PDPR: variants seen among roughly 807,000 people sequenced by gnomAD.
The protein encoded by PDPR is pyruvate dehydrogenase phosphatase regulatory subunit, mitochondrial.
Under a neutral mutation model 102.2 loss-of-function variants are expected in PDPR, and 50 were observed. The ratio of observed to expected loss-of-function variants is 0.49; its 90% CI spans 0.39 to 0.62. The LOEUF (loss-of-function observed/expected upper bound fraction) is 0.62. Ranked by LOEUF, PDPR falls within the 20% of genes least tolerant of loss-of-function variation. The pLI, the probability that PDPR is intolerant of heterozygous loss-of-function variation, is 0.00. For missense variants in PDPR, 625 were observed against 1,098.2 expected (o/e 0.57, Z 6.09); for synonymous variants, 259 against 406.0 (o/e 0.64, Z 4.35).
At chr16:70,155,553 G>A (rs879715194) in intron 18 of PDPR, among the ~76,000 whole-genome samples, 1 of 152,232 alleles carries the variant, frequency 6.6e-6, no homozygotes, top group Admixed American at 6.5e-5. Flanking sequence ...AGGCATTTTT[G>A]TATTTTTTCT....
rs1567565334 is a variant in PDPR at position 70,156,457 on chromosome 16, GT to G, written c.2236-15del. ...TCTGAGTGTCGCTGGATGACTCGGCGTTTCCTTTCTTTCTTAGGGCATGGAT... is the reference window on the plus strand; with the variant it reads ...TCTGAGTGTCGCTGGATGACTCGGCGTTCCTTTCTTTCTTAGGGCATGGAT... On this transcript the variant is annotated splice_polypyrimidine_tract_variant and intron_variant, in intron 18 of 18. Coordinates refer to ENST00000288050, the MANE Select transcript of PDPR (RefSeq NM_017990.5). The G allele has an allele frequency of 6.2e-7, 1 of 1,611,602 alleles. No homozygotes were observed.
chr16:70,137,950 C>T (rs1965319032), intron 10 of PDPR, among the ~76,000 whole-genome samples: 1 of 152,246 alleles, frequency 6.6e-6, no homozygotes. Context: ...CTCACTGCAG[C>T]CGCAAGTTCC....
Position 70,159,855 on chromosome 16 carries a change from A to G in PDPR, c.*2976A>G, listed in dbSNP as rs1016635830. ...AGGGACAACCACAGCCTCCTCATCCATGTGTCATTTCCAAGGGTTTGCCTT... is the reference window on the plus strand; with the variant it reads ...AGGGACAACCACAGCCTCCTCATCCGTGTGTCATTTCCAAGGGTTTGCCTT... On this transcript the variant is annotated 3_prime_UTR_variant, in exon 19 of 19. Transcript: ENST00000288050. 1.3e-5 allele frequency: 2 copies of G among 153,128 alleles called. No homozygotes were observed. Among genetic ancestry groups the G allele is most frequent in the African/African-American group, 2.4e-5 (1 of 41,500 alleles). The allele number at this position is 153,128 out of a possible 1,614,324, so 9.5% of individuals were successfully genotyped here. A position where few individuals can be genotyped will look rare whatever the true frequency, so the allele number is the denominator to read the frequency against.
At chr16:70,151,972 G>A (rs866118793) in intron 17 of PDPR, among the ~76,000 whole-genome samples, 12 of 152,270 alleles carry the variant, frequency 7.9e-5, no homozygotes, top group South Asian at 2.1e-4. Flanking sequence ...CATTAGTCAC[G>A]TAGTTGGATC....
At chr16:70,130,753 T>C (rs1388528573) in intron 7 of PDPR, among the ~76,000 whole-genome samples, 2 of 152,296 alleles carry the variant, frequency 1.3e-5, no homozygotes, top group Non-Finnish European at 2.9e-5. Flanking sequence ...GGTTGATGGG[T>C]GCTATCCTGG....
chr16:70,146,053 G>A (rs1222569191), intron 15 of PDPR, 81 bp from the exon 16 acceptor site: 1 of 1,575,498 alleles, frequency 6.3e-7, no homozygotes, highest in African/African-American at 1.4e-5. Flanking sequence ...GGCTATAGCT[G>A]AGCAAGTCTA....
chr16:70,145,672 C>T (rs1966182512), intron 15 of PDPR: 1 of 461,826 alleles, frequency 2.2e-6, no homozygotes, highest in African/African-American at 2.0e-5. Flanking sequence ...TCTAGCCTGT[C>T]TTAGGATGGA....
intron 3 of PDPR, among the ~76,000 whole-genome samples, chr16:70,122,868 C>CACACACACACACACACA (rs1555520799): frequency 1.3e-5 from 2 of 149,710 alleles, no homozygotes; most frequent in African/African-American, 5.0e-5. Flanking sequence ...CACACACACA[C>CACACACACACACACACA]CAGTTTAGAC....
At chr16:70,125,387 C>CAAA (rs1332668163) in intron 3 of PDPR, among the ~76,000 whole-genome samples, 1 of 143,578 alleles carries the variant, frequency 7.0e-6, no homozygotes, top group East Asian at 2.1e-4. Flanking sequence ...AAAAAACAAA[C>CAAA]AAACAAAAAA....
chr16:70,150,848 T>G (rs1966679051), intron 17 of PDPR, among the ~76,000 whole-genome samples: 1 of 152,248 alleles, frequency 6.6e-6, no homozygotes, highest in Non-Finnish European at 1.5e-5. Flanking sequence ...GGGATGATCA[T>G]AGCTCACTGT....
At chr16:70,124,641 A>C (rs958043679) in intron 3 of PDPR, among the ~76,000 whole-genome samples, 1 of 152,266 alleles carries the variant, frequency 6.6e-6, no homozygotes, top group Non-Finnish European at 1.5e-5. Context: ...GGCGAGAGCC[A>C]CTGTCAAAGC....
chr16:70,122,745 G>T (rs369358948), intron 3 of PDPR, among the ~76,000 whole-genome samples: 5 of 152,352 alleles, frequency 3.3e-5, no homozygotes, highest in African/African-American at 7.2e-5. Context: ...TTGACAAATG[G>T]TGATTTTTTG....
intron 11 of PDPR, among the ~76,000 whole-genome samples, chr16:70,140,990 G>T (rs1385773288): frequency 6.6e-6 from 1 of 152,230 alleles, no homozygotes; most frequent in African/African-American, 2.4e-5. Flanking sequence ...TGAGATCAGG[G>T]ACCACAGATC....
rs1431343477 is a variant in PDPR, at chr16:70,161,058, T to A, written c.*4179T>A. ...AGGGGTTAGCTACAAGATTCAGCTT[T>A]ATATCTCTGTTGCTTCTTGGCCAGT... On this transcript the variant is annotated 3_prime_UTR_variant, in exon 19 of 19. Transcript: ENST00000288050. 1 of 152,654 alleles carries A rather than the reference T, an allele frequency of 6.6e-6. No homozygotes were observed. Among genetic ancestry groups the A allele is most frequent in the Non-Finnish European group, 1.5e-5 (1 of 68,298 alleles). The allele number at this position is 152,654 out of a possible 1,614,324, so 9.5% of individuals were successfully genotyped here.
At chr16:70,152,285 A>G (rs1217203120) in intron 17 of PDPR, among the ~76,000 whole-genome samples, 1 of 152,282 alleles carries the variant, frequency 6.6e-6, no homozygotes, top group African/African-American at 2.4e-5. Context: ...TTGGGAGGCC[A>G]AGGTGAGTGA....
At chr16:70,155,134 G>C in intron 18 of PDPR, among the ~76,000 whole-genome samples, 1 of 152,050 alleles carries the variant, frequency 6.6e-6, no homozygotes, top group Non-Finnish European at 1.5e-5. Flanking sequence ...AGAGGTTGCA[G>C]TGAGCCGAGA....
At chr16:70,134,877 C>T (rs1242370338) in intron 9 of PDPR, among the ~76,000 whole-genome samples, 3 of 152,180 alleles carry the variant, frequency 2.0e-5, no homozygotes, top group African/African-American at 4.8e-5. Context: ...CCCTCTGACC[C>T]TTGATGGGCT....
chr16:70,151,280 G>T (rs1463863292), intron 17 of PDPR, among the ~76,000 whole-genome samples: 1 of 152,212 alleles, frequency 6.6e-6, no homozygotes, highest in African/African-American at 2.4e-5. Context: ...ATGTTGCCCA[G>T]GCTGGACTCT....
intron 4 of PDPR, among the ~76,000 whole-genome samples, chr16:70,128,389 G>T (rs1964195831): frequency 6.6e-6 from 1 of 152,228 alleles, no homozygotes; most frequent in Non-Finnish European, 1.5e-5. Flanking sequence ...CACCACACCT[G>T]GCTAATTTTT....
Sources: allele counts gnomAD v4.1 joint callset (sites outside exome capture counted in the v4.1 genomes callset), GRCh38; gene constraint gnomAD v4.1.1; transcripts MANE v1.5; gene names NCBI Gene and HGNC (gene_info 2026-07-23, HGNC 2026-07-21).